The following EDA variants were observed in gnomAD, a reference collection of about 807,000 sequenced individuals.
EDA encodes the protein ectodysplasin A.
EDA carries 2 observed loss-of-function variants against 23.6 expected under a neutral mutation model. That is an observed-to-expected ratio of 0.08 (90% CI 0.03 to 0.27). The LOEUF (loss-of-function observed/expected upper bound fraction) is 0.27. Ranked by LOEUF, EDA falls within the 10% of genes least tolerant of loss-of-function variation. The pLI is 1.00. For synonymous variants in EDA, 131 were observed against 132.0 expected (o/e 0.99, Z 0.05); for missense variants, 229 against 324.2 (o/e 0.71, Z 2.26).
intron 1 of EDA, among the ~76,000 whole-genome samples, chrX:69,623,297 T>C (rs1398050674): frequency 8.9e-6 from 1 of 112,296 alleles, no homozygotes; most frequent in Non-Finnish European, 1.9e-5. Context: ...TTCCAATCCA[T>C]GAACATGCCC....
chrX:69,831,385 C>G (rs1336937666), intron 1 of EDA, among the ~76,000 whole-genome samples: 2 of 112,493 alleles, frequency 1.8e-5, no homozygotes, highest in Non-Finnish European at 3.7e-5. Flanking sequence ...AGGATTTGAA[C>G]TCATCCATTT....
intron 2 of EDA, among the ~76,000 whole-genome samples, chrX:69,961,762 G>A (rs192321918): frequency 9.8e-5 from 11 of 112,219 alleles, no homozygotes; most frequent in African/African-American, 3.2e-5. Context: ...ATTTCAGATC[G>A]TTTAAGTTTA....
chrX:69,704,226 G>C (rs1206994047), intron 1 of EDA, among the ~76,000 whole-genome samples: 2 of 111,712 alleles, frequency 1.8e-5, no homozygotes, highest in African/African-American at 6.5e-5. Flanking sequence ...GGAAGCTGGG[G>C]TTTCCAGGTC....
chrX:69,617,854 C>T, intron 1 of EDA: 1 of 278,274 alleles, frequency 3.6e-6, no homozygotes, highest in Admixed American at 4.3e-5. Flanking sequence ...CTTTGACCTC[C>T]CATCTAAAGT....
At chrX:69,681,303 G>A (rs1375026399) in intron 1 of EDA, among the ~76,000 whole-genome samples, 2 of 108,652 alleles carry the variant, frequency 1.8e-5, no homozygotes, top group African/African-American at 6.7e-5. Flanking sequence ...ATGTGTCTTG[G>A]AGTTGCTCTT....
intron 2 of EDA, among the ~76,000 whole-genome samples, chrX:70,009,349 A>G (rs2019843723): frequency 8.9e-6 from 1 of 111,833 alleles, no homozygotes; most frequent in Non-Finnish European, 1.9e-5. Context: ...TTCTTAAGGT[A>G]GAAGCTTAGA....
chrX:69,881,194 AT>A (rs1391282765), intron 1 of EDA, among the ~76,000 whole-genome samples: 7 of 105,914 alleles, frequency 6.6e-5, no homozygotes, highest in South Asian at 4.1e-4. Flanking sequence ...TTTTGTTTTA[AT>A]TTTTTTTTTT....
chrX:70,022,304 A>T (rs1476076990), intron 2 of EDA, among the ~76,000 whole-genome samples: 1 of 110,065 alleles, frequency 9.1e-6, no homozygotes, highest in Non-Finnish European at 1.9e-5. Flanking sequence ...GAAATGGTTG[A>T]CATGTCTTAT....
At chrX:69,684,087 C>G (rs1053297606) in intron 1 of EDA, among the ~76,000 whole-genome samples, 1 of 112,211 alleles carries the variant, frequency 8.9e-6, no homozygotes, top group Non-Finnish European at 1.9e-5. Flanking sequence ...GTGTGTGTCA[C>G]AAGATCCATG....
intron 1 of EDA, among the ~76,000 whole-genome samples, chrX:69,786,698 GCTTTA>G (rs1358690828): frequency 5.3e-4 from 58 of 108,761 alleles, no homozygotes; most frequent in Admixed American, 6.9e-4. Context: ...GCTGAGGAGA[GCTTTA>G]CTTCCAAGTA....
chrX:69,792,258 T>C (rs1354203466), intron 1 of EDA, among the ~76,000 whole-genome samples: 1 of 112,129 alleles, frequency 8.9e-6, no homozygotes, highest in African/African-American at 3.2e-5. Flanking sequence ...CTTAGAATAA[T>C]GGCCTCCAGC....
At chrX:69,753,423 T>C (rs1042590158) in intron 1 of EDA, among the ~76,000 whole-genome samples, 2 of 112,281 alleles carry the variant, frequency 1.8e-5, no homozygotes, top group African/African-American at 6.5e-5. Flanking sequence ...CTAGTTTGAT[T>C]GCACTGTGAT....
chrX:69,645,767 T>C (rs953984696), intron 1 of EDA, among the ~76,000 whole-genome samples: 2 of 107,476 alleles, frequency 1.9e-5, no homozygotes, highest in Non-Finnish European at 3.8e-5. Flanking sequence ...CTCTAGTTCT[T>C]TTAGTTGAGA....
In EDA at chrX:69,616,698, G is replaced by T. The variant is rs143746851; in HGVS notation, c.390G>T (p.Gly130=). 4.0e-4 allele frequency: 481 copies of T among 1,209,946 alleles called. No homozygotes were observed. Among genetic ancestry groups the T allele is most frequent in the Non-Finnish European group, 5.2e-4 (467 of 895,057 alleles). Residue 130 remains glycine (G), a synonymous_variant, in exon 1 of 8, where the codon GGG becomes GGT. Coordinates refer to ENST00000374552, the MANE Select transcript of EDA (RefSeq NM_001399.5). ...EAALHSDSQD[G]HQMALLNFFF... is the part of the protein sequence containing the mutation. ...CACTCCACTCTGACTCCCAGGACGG[G>T]CACCAGGTGAGTCACCTAGTAGGGG...
At chrX:69,821,064 G>C in intron 1 of EDA, among the ~76,000 whole-genome samples, 1 of 111,237 alleles carries the variant, frequency 9.0e-6, no homozygotes. Context: ...CCATAAAAAG[G>C]AACAAGATCA....
chrX:70,006,602 C>G (rs1477462629), intron 2 of EDA, among the ~76,000 whole-genome samples: 1 of 111,611 alleles, frequency 9.0e-6, no homozygotes, highest in African/African-American at 3.3e-5. Context: ...CTGTTCAGAT[C>G]TTTGCCCATT....
chrX:69,824,870 C>G (rs1459433492), intron 1 of EDA, among the ~76,000 whole-genome samples: 1 of 70,501 alleles, frequency 1.4e-5, no homozygotes, highest in Non-Finnish European at 2.5e-5. Context: ...TGAGATATGT[C>G]CCATCAATAC....
chrX:69,623,725 A>G (rs1355774359), intron 1 of EDA, among the ~76,000 whole-genome samples: 4 of 107,215 alleles, frequency 3.7e-5, no homozygotes, highest in African/African-American at 1.4e-4. Context: ...AAATCTTCAC[A>G]GGAACAATGC....
rs1212549953 is a variant in EDA, at chrX:69,851,161, G to GTGTC, written c.397-105863_397-105862insCTGT. 8.6e-4 allele frequency among the ~76,000 whole-genome samples: 93 copies of GTGTC among 107,903 alleles called. 1 individual carries two copies. Among genetic ancestry groups the GTGTC allele is most frequent in the African/African-American group, 2.9e-3 (87 of 30,233 alleles). 93.7% of individuals were successfully genotyped at this position (107,903 alleles called of 115,157 possible). A position where few individuals can be genotyped will look rare whatever the true frequency, so the allele number is the denominator to read the frequency against. ...CACAAAATCTAGATCAAGGGTTTGT[G>GTGTC]TGTGTGTGTGTGTGTGTGTGTGCAC... On this transcript the variant is annotated intron_variant, in intron 1 of 7. Transcript: ENST00000374552.
Sources: allele counts gnomAD v4.1 joint callset (sites outside exome capture counted in the v4.1 genomes callset), GRCh38; gene constraint gnomAD v4.1.1; transcripts MANE v1.5; gene names NCBI Gene and HGNC (gene_info 2026-07-23, HGNC 2026-07-21).